Variants in COL4A2 observed in about 807,000 individuals in gnomAD.
COL4A2 encodes collagen type IV alpha 2 chain.
COL4A2 carries 99 observed loss-of-function variants against 200.2 expected under a neutral mutation model. The ratio of observed to expected loss-of-function variants is 0.49; its 90% confidence interval spans 0.42 to 0.58. COL4A2 has a LOEUF of 0.58. COL4A2 is among the 20% of genes least tolerant of loss of function. The pLI, the probability that COL4A2 is intolerant of heterozygous loss-of-function variation, is 0.00. For missense variants in COL4A2, 1,950 were observed against 2,314.1 expected, an observed-to-expected ratio of 0.84 and a Z score of 3.23; for synonymous variants, 897 against 900.6, an observed-to-expected ratio of 1.00 and a Z score of 0.07.
intron 3 of COL4A2, among the ~76,000 whole-genome samples, chr13:110,344,013 C>T (rs911786522): frequency 2.6e-5 from 4 of 151,396 alleles, no homozygotes; most frequent in South Asian, 2.1e-4. Flanking sequence ...ACTGGCATGC[C>T]GTATAAATAA....
chr13:110,509,703 A>T (rs570051434), intron 47 of COL4A2, among the ~76,000 whole-genome samples: 6 of 152,260 alleles, frequency 3.9e-5, no homozygotes, highest in African/African-American at 1.4e-4. Flanking sequence ...GTTTCAAATG[A>T]CTGTCACGAG....
intron 4 of COL4A2, among the ~76,000 whole-genome samples, chr13:110,399,265 TTG>T (rs1879289131): frequency 6.6e-6 from 1 of 152,236 alleles, no homozygotes; most frequent in African/African-American, 2.4e-5. Context: ...AGATAAAATC[TTG>T]TTCCTCCCGT....
At chr13:110,415,294 A>C (rs1879997970) in intron 4 of COL4A2, among the ~76,000 whole-genome samples, 1 of 152,232 alleles carries the variant, frequency 6.6e-6, no homozygotes, top group Admixed American at 6.5e-5. Context: ...TAAAAGATAA[A>C]ATTTTTTTAA....
At chr13:110,439,971 A>T (rs1323011889) in intron 16 of COL4A2, 138 bp downstream of exon 16, 3 of 1,327,614 alleles carry the variant, frequency 2.3e-6, no homozygotes. Context: ...ATTTGCAGTC[A>T]CAAAGATAAT....
intron 4 of COL4A2, among the ~76,000 whole-genome samples, chr13:110,385,151 A>G (rs1878638246): frequency 6.6e-6 from 1 of 151,926 alleles, no homozygotes; most frequent in Non-Finnish European, 1.5e-5. Flanking sequence ...AGTCCCAGCC[A>G]CTTGGGAGGC....
At position 110,455,371 on chromosome 13, in the gene COL4A2, G is replaced by C. The variant is rs185913143; in HGVS notation, c.1340-1972G>C. On this transcript the variant is annotated intron_variant, in intron 20 of 47. Coordinates refer to ENST00000360467, the MANE Select transcript of COL4A2 (RefSeq NM_001846.4). The stretch of plus-strand genomic sequence containing the variant: ...GCATTCCCTCCCGCTCCCCACTTCA[G>C]GGGCTCCTTTTTATTCTTTGGGCTT... Among the ~76,000 whole-genome samples, 50 of 152,212 alleles carry C rather than the reference G, an allele frequency of 3.3e-4. No homozygotes were observed. In the East Asian group the frequency reaches 9.3e-3, roughly 28 times the overall value.
chr13:110,485,182 G>C (rs373149290), intron 33 of COL4A2, among the ~76,000 whole-genome samples, 155 bp downstream of exon 33: 1 of 152,132 alleles, frequency 6.6e-6, no homozygotes. Context: ...CATAGCTGGC[G>C]CAGGGTTGTT....
At chr13:110,377,913 CA>C (rs1385683135) in intron 4 of COL4A2, among the ~76,000 whole-genome samples, 1 of 152,098 alleles carries the variant, frequency 6.6e-6, no homozygotes, top group Non-Finnish European at 1.5e-5. Flanking sequence ...AGTATACTGT[CA>C]AAATGTTTCT....
At position 110,438,049 on chromosome 13, in the gene COL4A2, A is replaced by G; in HGVS notation, c.861+12A>G. ...AACCAGGAATAAGAGTAAGTCGAGTAATGAGCATGCCCCCTCCCCTGTGGC... is the reference window on the plus strand; with the variant it reads ...AACCAGGAATAAGAGTAAGTCGAGTGATGAGCATGCCCCCTCCCCTGTGGC... On this transcript the variant is annotated intron_variant, in intron 14 of 47. Transcript: ENST00000360467. The G allele has an allele frequency of 6.2e-7, 1 of 1,612,074 alleles. No homozygotes were observed. The highest frequency in any genetic ancestry group is 8.5e-7 in the Non-Finnish European group (1 of 1,178,360).
intron 4 of COL4A2, among the ~76,000 whole-genome samples, chr13:110,358,083 A>G (rs778627592): frequency 1.6e-4 from 25 of 152,220 alleles, no homozygotes; most frequent in Admixed American, 2.6e-4. Context: ...AAACTGTTAA[A>G]CTTTTTAAAC....
chr13:110,470,292 TC>T (rs984513807), intron 28 of COL4A2, among the ~76,000 whole-genome samples: 19 of 152,148 alleles, frequency 1.2e-4, no homozygotes, highest in African/African-American at 4.6e-4. Flanking sequence ...AGATGAAACA[TC>T]CTTCCACAGG....
At chr13:110,370,080 A>G (rs1305291615) in intron 4 of COL4A2, among the ~76,000 whole-genome samples, 1 of 152,080 alleles carries the variant, frequency 6.6e-6, no homozygotes, top group Non-Finnish European at 1.5e-5. Flanking sequence ...CGTGGAGTGA[A>G]GTGAAATGAT....
Position 110,409,962 on chromosome 13 carries a change from A to G in COL4A2, c.181-14772A>G, listed in dbSNP as rs961098889. The stretch of plus-strand genomic sequence containing the variant: ...ACACGTCCCGCCCGCCCCAGAGCCA[A>G]TGCTAGGGCCATCAGGTGGCCCTGG... On this transcript the variant is annotated intron_variant, in intron 4 of 47. Transcript: ENST00000360467. Among the ~76,000 whole-genome samples the G allele has an allele frequency of 4.6e-5, 7 of 152,148 alleles. No homozygotes were observed. The East Asian group carries it at 5.8e-4, about 13-fold the overall frequency.
intron 16 of COL4A2, among the ~76,000 whole-genome samples, chr13:110,442,121 G>T: frequency 7.1e-6 from 1 of 140,148 alleles, no homozygotes; most frequent in Non-Finnish European, 1.5e-5. Context: ...AAAAAGGGCA[G>T]TTCCACAGAG....
intron 40 of COL4A2, among the ~76,000 whole-genome samples, chr13:110,497,546 C>T (rs67487712): frequency 0.079 from 2,287 of 28,780 alleles, 230 homozygotes; most frequent in African/African-American, 0.18. Context: ...GGATTTAGGT[C>T]AGTCCACCAG....
intron 29 of COL4A2, 103 bp from the exon 30 acceptor site, chr13:110,477,899 AG>A: frequency 6.0e-6 from 7 of 1,174,596 alleles, no homozygotes; most frequent in Non-Finnish European, 7.9e-6. Flanking sequence ...AGTCCAGAAA[AG>A]CATGAATTGC....
chr13:110,486,317 G>C (rs1304021484), intron 34 of COL4A2, among the ~76,000 whole-genome samples: 1 of 152,178 alleles, frequency 6.6e-6, no homozygotes, highest in East Asian at 1.9e-4. Context: ...TGGTAACAAT[G>C]GTGAGCCCTG....
chr13:110,374,636 C>G (rs551774621), intron 4 of COL4A2, among the ~76,000 whole-genome samples: 1 of 152,154 alleles, frequency 6.6e-6, no homozygotes, highest in African/African-American at 2.4e-5. Context: ...TTTTGCTTTC[C>G]TCTTTGCTCA....
intron 34 of COL4A2, among the ~76,000 whole-genome samples, chr13:110,489,152 CTT>C (rs1331115590): frequency 6.6e-6 from 1 of 152,170 alleles, no homozygotes; most frequent in Admixed American, 6.5e-5. Context: ...GGAAGGATGA[CTT>C]GAGCCCAGGA....
Sources: gnomAD v4.1 joint callset for allele counts (sites outside exome capture counted in the v4.1 genomes callset) on GRCh38, gnomAD v4.1.1 for gene constraint, MANE v1.5 for transcripts, NCBI Gene and HGNC (gene_info 2026-07-23, HGNC 2026-07-21) for gene names.